Variants in MCM9 observed in about 807,000 individuals in gnomAD.
MCM9 encodes the protein DNA helicase MCM9.
Under a neutral mutation model 72.8 loss-of-function variants are expected in MCM9, and 55 were observed. The ratio of observed to expected loss-of-function variants is 0.76; its 90% CI spans 0.61 to 0.95. The LOEUF is 0.95. MCM9 is among the 40% of genes least tolerant of loss of function. The probability of loss-of-function intolerance (pLI) is 0.00; values close to 1 mark genes in which losing one functional copy is unlikely to be tolerated. For missense variants in MCM9, 1,279 were observed against 1,377.0 expected, an observed-to-expected ratio of 0.93 and a Z score of 1.13; for synonymous variants, 480 against 503.4, an observed-to-expected ratio of 0.95 and a Z score of 0.62.
intron 3 of MCM9, among the ~76,000 whole-genome samples, chr6:118,928,283 C>T (rs145109328): frequency 4.5e-4 from 69 of 151,678 alleles, no homozygotes; most frequent in African/African-American, 1.6e-3. Context: ...TGGTGGCACA[C>T]GCCTGTAATC....
At position 118,826,215 on chromosome 6, in the gene MCM9, C is replaced by T; in HGVS notation, c.1893G>A (p.Gln631=). 6.4e-7 allele frequency: 1 copy of T among 1,550,566 alleles called. No homozygotes were observed. The highest frequency in any genetic ancestry group is 8.7e-7 in the Non-Finnish European group (1 of 1,146,964). ...CTAGCTTTTCCAGAATAAGTTCACA[C>T]TGTCTCTGGTACTGCTCTCCAGGGT... The part of the protein sequence containing the change: ...PENPGEQYQR[Q]CELILEKLEL... The change falls in exon 13 of 14, where the codon CAG becomes CAA. Residue 631 remains glutamine (Q), a synonymous_variant. Transcript: ENST00000619706.
chr6:118,834,265 G>A (rs1355153098), intron 9 of MCM9, among the ~76,000 whole-genome samples: 1 of 152,184 alleles, frequency 6.6e-6, no homozygotes, highest in Admixed American at 6.5e-5. Context: ...TATCATTGAT[G>A]GGCATTTGGG....
chr6:118,877,701 C>G (rs556252222), intron 8 of MCM9, among the ~76,000 whole-genome samples: 2 of 152,292 alleles, frequency 1.3e-5, no homozygotes, highest in East Asian at 3.9e-4. Context: ...AAGTCTGTTC[C>G]ATACAGAGAT....
chr6:118,848,650 G>A (rs1183826127), intron 9 of MCM9, among the ~76,000 whole-genome samples: 1 of 149,452 alleles, frequency 6.7e-6, no homozygotes, highest in African/African-American at 2.6e-5. Flanking sequence ...GCAGCCAGGC[G>A]CAGTGGCTCA....
intron 8 of MCM9, among the ~76,000 whole-genome samples, chr6:118,878,025 G>C (rs1778049057): frequency 6.6e-6 from 1 of 152,092 alleles, no homozygotes; most frequent in Non-Finnish European, 1.5e-5. Context: ...AGCAAGGCAT[G>C]GTGGTGCATG....
At chr6:118,823,403 T>C (rs1773949395) in intron 13 of MCM9, among the ~76,000 whole-genome samples, 1 of 152,162 alleles carries the variant, frequency 6.6e-6, no homozygotes, top group South Asian at 2.1e-4. Context: ...CTGCTTCTGC[T>C]CACCTTCTGT....
At chr6:118,864,287 T>C (rs904612403) in intron 8 of MCM9, among the ~76,000 whole-genome samples, 1 of 152,114 alleles carries the variant, frequency 6.6e-6, no homozygotes, top group Middle Eastern at 3.2e-3. Flanking sequence ...TAGCTTCTAC[T>C]TGTAAGTGAG....
chr6:118,814,381 G>A lies in MCM9; in HGVS notation c.*443C>T, dbSNP rs1583307726. 1 of 147,862 alleles carries A rather than the reference G, an allele frequency of 6.8e-6. No homozygotes were observed. The highest frequency in any genetic ancestry group is 6.8e-5 in the Admixed American group (1 of 14,788). 9.2% of individuals were successfully genotyped at this position (147,862 alleles called of 1,614,324 possible). On this transcript the variant is annotated 3_prime_UTR_variant, in exon 14 of 14. Coordinates refer to ENST00000619706, the MANE Select transcript of MCM9 (RefSeq NM_017696.3). ...ATTCACTGTACTTAGCCCATTCCAG[G>A]TGAAAATACAAAAAAAAAAAAAAAA... is the stretch of plus-strand genomic sequence containing the variant.
At chr6:118,828,615 C>T (rs561717566) in intron 10 of MCM9, among the ~76,000 whole-genome samples, 2 of 152,086 alleles carry the variant, frequency 1.3e-5, no homozygotes, top group Non-Finnish European at 2.9e-5. Flanking sequence ...GAACTCCTGA[C>T]CTCAGGTGAT....
Position 118,885,658 on chromosome 6 carries a change from A to G in MCM9, c.1150+25992T>C, listed in dbSNP as rs566119477. 1.6e-4 allele frequency among the ~76,000 whole-genome samples: 24 copies of G among 152,314 alleles called. No homozygotes were observed. In the South Asian group the frequency reaches 2.3e-3, roughly 14 times the overall value. On this transcript the variant is annotated intron_variant, in intron 8 of 13. Coordinates refer to ENST00000619706, the MANE Select transcript of MCM9 (RefSeq NM_017696.3). ...CTGAATAGACTATAAACACAGAGGC[A>G]ATATTAGTAATAATAGTTTTTAAAA...
chr6:118,818,865 T>C (rs927068291), intron 13 of MCM9, among the ~76,000 whole-genome samples: 4 of 152,200 alleles, frequency 2.6e-5, no homozygotes, highest in African/African-American at 7.2e-5. Flanking sequence ...GTTGTATTCC[T>C]AGGTATTTTA....
In MCM9 at chr6:118,893,961, C is replaced by T. The variant is rs568349177; in HGVS notation, c.1150+17689G>A. The stretch of plus-strand genomic sequence containing the variant: ...CGCCTCCCCGCCGCGGCCACGCCCC[C>T]TCCGCCCCTCTCCGCGCCGCCGCCG... On this transcript the variant is annotated intron_variant, in intron 8 of 13. Coordinates refer to ENST00000619706, the MANE Select transcript of MCM9 (RefSeq NM_017696.3). 19 of 967,056 alleles carry T rather than the reference C, an allele frequency of 2.0e-5. No homozygotes were observed. The African/African-American group carries it at 3.0e-4, about 15-fold the overall frequency. 59.9% of individuals were successfully genotyped at this position (967,056 alleles called of 1,614,324 possible).
intron 8 of MCM9, among the ~76,000 whole-genome samples, chr6:118,885,806 A>C (rs1778560538): frequency 6.6e-6 from 1 of 152,214 alleles, no homozygotes; most frequent in African/African-American, 2.4e-5. Flanking sequence ...AGCACTTCCT[A>C]ATTCATTCTA....
chr6:118,907,645 C>G (rs376047323), intron 8 of MCM9: 6 of 1,542,400 alleles, frequency 3.9e-6, no homozygotes, highest in Non-Finnish European at 5.4e-6. Context: ...ACAAATTAAG[C>G]TATTAAAAAT....
chr6:118,894,973 T>A (rs1426011466), intron 8 of MCM9, among the ~76,000 whole-genome samples: 1 of 152,074 alleles, frequency 6.6e-6, no homozygotes, highest in Non-Finnish European at 1.5e-5. Flanking sequence ...GAGTCGAGAA[T>A]TGGGCCAGCG....
At chr6:118,831,020 G>C (rs1375156395) in intron 9 of MCM9, among the ~76,000 whole-genome samples, 1 of 152,214 alleles carries the variant, frequency 6.6e-6, no homozygotes, top group Non-Finnish European at 1.5e-5. Flanking sequence ...GTTTTCCAAT[G>C]TATGAGAAGA....
At chr6:118,867,137 A>G (rs999538929) in intron 8 of MCM9, among the ~76,000 whole-genome samples, 3 of 152,206 alleles carry the variant, frequency 2.0e-5, no homozygotes, top group Non-Finnish European at 2.9e-5. Context: ...AAAAAGTTTA[A>G]GCATTTGCCA....
Position 118,861,300 on chromosome 6 carries a change from A to G in MCM9, c.1151-4755T>C, listed in dbSNP as rs1776889244. Among the ~76,000 whole-genome samples the G allele has an allele frequency of 3.3e-5, 5 of 152,242 alleles. No individual in the cohort carries two copies. In the South Asian group the frequency reaches 1.0e-3, roughly 31 times the overall value. On this transcript the variant is annotated intron_variant, in intron 8 of 13. Transcript: ENST00000619706. ...CCCAAAGAGGGTGTTAAAGCATGTC[A>G]CAGCCCTGGCTCAGGGAGCCCCAAT...
chr6:118,905,603 T>C, intron 8 of MCM9: 1 of 1,477,290 alleles, frequency 6.8e-7, no homozygotes, highest in Non-Finnish European at 9.1e-7. Flanking sequence ...TGCCTGCCAC[T>C]AACAGCCTTT....
Sources: gnomAD v4.1 joint callset for allele counts (sites outside exome capture counted in the v4.1 genomes callset) on GRCh38, gnomAD v4.1.1 for gene constraint, MANE v1.5 for transcripts, NCBI Gene and HGNC (gene_info 2026-07-23, HGNC 2026-07-21) for gene names.